EYA3: variants seen among roughly 807,000 people sequenced by gnomAD.
The protein encoded by EYA3 is EYA transcriptional coactivator and phosphatase 3.
In EYA3, 39 loss-of-function variants were observed where a neutral mutation model predicts 80.0. The observed-to-expected ratio is 0.49, with a 90% confidence interval of 0.38 to 0.64. The LOEUF (loss-of-function observed/expected upper bound fraction) is 0.64. Ranked by LOEUF, EYA3 falls within the 30% of genes least tolerant of loss-of-function variation. EYA3 has a pLI of 0.00. For synonymous variants in EYA3, 206 were observed against 232.8 expected (o/e 0.88, Z 1.05); for missense variants, 523 against 676.1 (o/e 0.77, Z 2.51).
At chr1:28,084,282 G>C (rs1050115769) in intron 1 of EYA3, among the ~76,000 whole-genome samples, 4 of 151,968 alleles carry the variant, frequency 2.6e-5, no homozygotes, top group African/African-American at 9.6e-5. Flanking sequence ...TTAATAATTA[G>C]CTACCCTGGA....
chr1:28,088,169 A>G (rs1057018592), intron 1 of EYA3, among the ~76,000 whole-genome samples: 12 of 152,178 alleles, frequency 7.9e-5, no homozygotes, highest in African/African-American at 2.9e-4. Context: ...CTGAGATCCC[A>G]GATCAGGGGT....
intron 8 of EYA3, among the ~76,000 whole-genome samples, chr1:28,016,096 T>C (rs1339887946): frequency 6.6e-6 from 1 of 152,098 alleles, no homozygotes; most frequent in Non-Finnish European, 1.5e-5. Flanking sequence ...ATGAAGTAAT[T>C]AACATGTGGA....
intron 6 of EYA3, 50 bp from the exon 7 acceptor site, chr1:28,027,976 A>C: frequency 6.2e-7 from 1 of 1,601,600 alleles, no homozygotes; most frequent in Non-Finnish European, 8.5e-7. Flanking sequence ...GGGACTGAGG[A>C]GCATGGTTAT....
intron 10 of EYA3, among the ~76,000 whole-genome samples, chr1:28,006,619 T>C (rs1641297335): frequency 6.6e-6 from 1 of 152,014 alleles, no homozygotes; most frequent in Non-Finnish European, 1.5e-5. Flanking sequence ...GGCAGGAGAA[T>C]CGCTTGAACC....
At chr1:28,050,250 T>C (rs1334835565) in intron 2 of EYA3, among the ~76,000 whole-genome samples, 2 of 150,760 alleles carry the variant, frequency 1.3e-5, no homozygotes, top group African/African-American at 2.4e-5. Flanking sequence ...TGGAGTGCCA[T>C]GGCGTAATCT....
At chr1:28,085,607 A>C (rs1645622263) in intron 1 of EYA3, among the ~76,000 whole-genome samples, 1 of 152,240 alleles carries the variant, frequency 6.6e-6, no homozygotes, top group African/African-American at 2.4e-5. Context: ...CCAAACCAAA[A>C]TAAGAAAACT....
intron 5 of EYA3, among the ~76,000 whole-genome samples, chr1:28,038,561 C>G (rs1643595540): frequency 1.3e-5 from 2 of 150,068 alleles, no homozygotes; most frequent in South Asian, 2.1e-4. Context: ...AGAGGTCAAT[C>G]AATGATATGG....
chr1:28,041,822 T>C (rs1010262179), intron 4 of EYA3, among the ~76,000 whole-genome samples: 7 of 152,072 alleles, frequency 4.6e-5, no homozygotes, highest in Non-Finnish European at 8.8e-5. Flanking sequence ...ACCAAAGTAT[T>C]TGAAGGAAAA....
Position 27,989,704 on chromosome 1 carries a change from G to A in EYA3, c.1411C>T (p.Gln471Ter). The A allele has an allele frequency of 6.2e-7, 1 of 1,602,284 alleles. No individual in the cohort carries two copies. Among genetic ancestry groups the A allele is most frequent in the Non-Finnish European group, 8.5e-7 (1 of 1,171,216 alleles). Residue 471 changes from glutamine (Q) to a stop codon, truncating the protein, a stop_gained, in exon 15 of 18, where the codon CAG becomes TAG. Transcript: ENST00000373871. LOFTEE classifies it high-confidence loss of function. The stretch of plus-strand genomic sequence containing the variant: ...AAAGAACCATTTCCATACCTGGACT[G>A]GATGAGAAGTAAGGACTTTAATGCA... ...GTALKSLLLIQSRKNCVNVLI... is the reference protein window; with the variant it reads ...GTALKSLLLI
chr1:28,049,754 A>C (rs2148880793), intron 2 of EYA3, among the ~76,000 whole-genome samples: 1 of 152,320 alleles, frequency 6.6e-6, no homozygotes, highest in East Asian at 1.9e-4. Context: ...GGAAACTATA[A>C]GGCTAAAGAC....
chr1:27,990,258 C>T (rs1256073611), intron 14 of EYA3: 5 of 183,440 alleles, frequency 2.7e-5, no homozygotes, highest in African/African-American at 9.4e-5. Context: ...GCCTGCGCCC[C>T]GGTCACATCA....
At chr1:28,076,367 A>G (rs1014286223) in intron 1 of EYA3, among the ~76,000 whole-genome samples, 3 of 152,160 alleles carry the variant, frequency 2.0e-5, no homozygotes, top group African/African-American at 7.2e-5. Flanking sequence ...ATATATACAT[A>G]TATTTAGGCT....
chr1:28,017,846 ATT>A (rs1176144330), intron 7 of EYA3, among the ~76,000 whole-genome samples: 1 of 152,194 alleles, frequency 6.6e-6, no homozygotes, highest in Non-Finnish European at 1.5e-5. Flanking sequence ...CTCAGAAAAT[ATT>A]AAATATTACT....
In EYA3 at chr1:28,000,707, T is replaced by C. The variant is rs147578860; in HGVS notation, c.994-658A>G. Among the ~76,000 whole-genome samples, 1,188 of 152,232 alleles carry C rather than the reference T, an allele frequency of 7.8e-3. 8 individuals are homozygous for C. Among genetic ancestry groups the C allele is most frequent in the African/African-American group, 0.024 (1,003 of 41,558 alleles). ...ACTTTGGGAGGCTGAGGCGGGAAGA[T>C]TGCTTAAGGCTAGGAATTCTAGACT... On this transcript the variant is annotated intron_variant, in intron 11 of 17. Transcript: ENST00000373871.
Position 28,084,506 on chromosome 1 carries a change from T to G in EYA3, c.-69+4018A>C, listed in dbSNP as rs532558876. On this transcript the variant is annotated intron_variant, in intron 1 of 17. Coordinates refer to ENST00000373871, the MANE Select transcript of EYA3 (RefSeq NM_001990.4). ...TACTATCAATATAACAATTCAACCT[T>G]TTGGTATAAACCAATTAGATGAACA... Among the ~76,000 whole-genome samples, 352 of 136,040 alleles carry G rather than the reference T, an allele frequency of 2.6e-3. 1 individual carries two copies. The highest frequency in any genetic ancestry group is 8.7e-3 in the African/African-American group (322 of 37,002). The allele number at this position is 136,040 out of a possible 152,430, so 89.2% of individuals were successfully genotyped here.
intron 11 of EYA3, among the ~76,000 whole-genome samples, chr1:28,001,854 C>T (rs1391515190): frequency 2.0e-5 from 3 of 149,556 alleles, no homozygotes; most frequent in Admixed American, 6.6e-5. Context: ...CCTCAGCCTC[C>T]CTAGTAGCTG....
rs752977764 is a variant in EYA3 at position 27,971,117 on chromosome 1, G to C, written c.*3349C>G. On this transcript the variant is annotated 3_prime_UTR_variant, in exon 18 of 18. Transcript: ENST00000373871. ...AAGCCCAGATGGGCATCTAAATCTG[G>C]AGCAGGTGTCCATTCTTCTGGACAC... 6 of 152,216 alleles carry C rather than the reference G, an allele frequency of 3.9e-5. No homozygotes were observed. Among genetic ancestry groups the C allele is most frequent in the Non-Finnish European group, 7.3e-5 (5 of 68,052 alleles). The allele number at this position is 152,216 out of a possible 1,614,324, so 9.4% of individuals were successfully genotyped here.
chr1:28,051,420 G>A (rs1644244867), intron 2 of EYA3, among the ~76,000 whole-genome samples: 1 of 152,188 alleles, frequency 6.6e-6, no homozygotes, highest in Non-Finnish European at 1.5e-5. Context: ...GGGTCCAGTG[G>A]CTCACGCTTC....
intron 1 of EYA3, among the ~76,000 whole-genome samples, chr1:28,071,170 T>C (rs2148929810): frequency 6.6e-6 from 1 of 152,246 alleles, no homozygotes; most frequent in South Asian, 2.1e-4. Flanking sequence ...GTGATCTGCT[T>C]GCCTCAGCCT....
Sources: gnomAD v4.1 joint callset for allele counts (sites outside exome capture counted in the v4.1 genomes callset) on GRCh38, gnomAD v4.1.1 for gene constraint, MANE v1.5 for transcripts, NCBI Gene and HGNC (gene_info 2026-07-23, HGNC 2026-07-21) for gene names.